The following SPCS2 variants were observed in gnomAD, a reference collection of about 807,000 sequenced individuals.
SPCS2 encodes the protein SPase 25 kDa subunit.
Under a neutral mutation model 22.3 loss-of-function variants are expected in SPCS2, and 3 were observed. The ratio of observed to expected loss-of-function variants is 0.13; its 90% CI spans 0.06 to 0.35. The LOEUF (loss-of-function observed/expected upper bound fraction) is 0.35. Ranked by LOEUF, SPCS2 falls within the 10% of genes least tolerant of loss-of-function variation. The pLI is 1.00. For missense variants in SPCS2, 169 were observed against 280.9 expected (o/e 0.60, Z 2.85); for synonymous variants, 67 against 97.2 (o/e 0.69, Z 1.83).
intron 1 of SPCS2, among the ~76,000 whole-genome samples, chr11:74,961,268 C>T (rs1948512841): frequency 6.6e-6 from 1 of 152,184 alleles, no homozygotes; most frequent in South Asian, 2.1e-4. Flanking sequence ...ACACTATTTA[C>T]TTCTCATACC....
At chr11:74,961,706 TTA>T (rs1409873299) in intron 1 of SPCS2, among the ~76,000 whole-genome samples, 1 of 151,950 alleles carries the variant, frequency 6.6e-6, no homozygotes, top group East Asian at 1.9e-4. Context: ...TTTTGTACTT[TTA>T]GTAGAGATGG....
At chr11:74,970,984 A>T (rs184691597) in intron 4 of SPCS2, among the ~76,000 whole-genome samples, 42 of 152,310 alleles carry the variant, frequency 2.8e-4, no homozygotes, top group East Asian at 3.9e-4. Flanking sequence ...TCACCTCAAA[A>T]AAAAAACCTC....
chr11:74,961,624 C>T (rs1645116376), intron 1 of SPCS2, among the ~76,000 whole-genome samples: 1 of 142,730 alleles, frequency 7.0e-6, no homozygotes, highest in Non-Finnish European at 1.6e-5. Context: ...TCACTGCAAC[C>T]TCTGCCTCCT....
Position 74,949,295 on chromosome 11 carries a change from G to T in SPCS2, c.10G>T (p.Ala4Ser). Reference sequence around the variant, plus strand: ...CGCAGAGGCGGACAAGATGGCGGCGGCAGCTGTACAGGGCGGGAGAAGCGG... The same window carrying T: ...CGCAGAGGCGGACAAGATGGCGGCGTCAGCTGTACAGGGCGGGAGAAGCGG... MAA[A>S]AVQGGRSGGS... is the part of the protein sequence containing the mutation. Residue 4 changes from alanine (A) to serine (S), a missense_variant, in exon 1 of 5, where the codon GCA becomes TCA. By Grantham distance (99) the Ala-to-Ser change is moderately conservative. This residue lies in a region of SPCS2 where 51 missense variants were observed against 37.8 expected (regional missense o/e 1.35). Transcript: ENST00000263672. The T allele has an allele frequency of 6.5e-7, 1 of 1,538,482 alleles. No homozygotes were observed. Among genetic ancestry groups the T allele is most frequent in the Non-Finnish European group, 8.8e-7 (1 of 1,142,112 alleles).
chr11:74,969,195 G>A (rs1565487418), intron 3 of SPCS2, among the ~76,000 whole-genome samples: 1 of 152,150 alleles, frequency 6.6e-6, no homozygotes, highest in African/African-American at 2.4e-5. Context: ...GTTGAACATG[G>A]TCAAGTCCAC....
intron 4 of SPCS2, among the ~76,000 whole-genome samples, chr11:74,971,761 C>T (rs538272231): frequency 3.0e-4 from 45 of 152,276 alleles, no homozygotes; most frequent in African/African-American, 9.9e-4. Context: ...TTTGTCACTC[C>T]CCAGCAAATT....
chr11:74,964,883 G>C (rs1278136571), intron 1 of SPCS2, 151 bp from the exon 2 acceptor site: 5 of 581,728 alleles, frequency 8.6e-6, no homozygotes, highest in Non-Finnish European at 1.5e-5. Context: ...AGTGTGCCCA[G>C]AATAGCCTGT....
chr11:74,949,299 C>G lies in SPCS2; in HGVS notation c.14C>G (p.Ala5Gly). The change falls in exon 1 of 5, where the codon GCT (alanine) becomes GGT (glycine). Residue 5 changes from alanine (A) to glycine (G), a missense_variant. Coordinates refer to ENST00000263672, the MANE Select transcript of SPCS2 (RefSeq NM_014752.3). MAAA[A>G]VQGGRSGGSG... ...GAGGCGGACAAGATGGCGGCGGCAG[C>G]TGTACAGGGCGGGAGAAGCGGTGGT... is the stretch of plus-strand genomic sequence containing the variant. 1 of 1,543,196 alleles carries G rather than the reference C, an allele frequency of 6.5e-7. No individual in the cohort carries two copies. The highest frequency in any genetic ancestry group is 8.7e-7 in the Non-Finnish European group (1 of 1,144,170).
At chr11:74,968,281 C>T (rs1032362320) in intron 3 of SPCS2, 3 of 151,864 alleles carry the variant, frequency 2.0e-5, no homozygotes, top group African/African-American at 4.8e-5. Context: ...TATGTGCTGC[C>T]GAAGCGAGCA....
intron 3 of SPCS2, among the ~76,000 whole-genome samples, chr11:74,967,617 C>T (rs564166257): frequency 4.6e-5 from 7 of 152,202 alleles, no homozygotes; most frequent in East Asian, 1.9e-4. Flanking sequence ...GGCATGGTGG[C>T]GCATGCCTGT....
intron 1 of SPCS2, among the ~76,000 whole-genome samples, chr11:74,962,696 C>T (rs1051832733): frequency 6.6e-6 from 1 of 152,208 alleles, no homozygotes; most frequent in African/African-American, 2.4e-5. Flanking sequence ...AACTCCCCTT[C>T]TTCCAGATGG....
chr11:74,960,502 C>CT (rs367939644), intron 1 of SPCS2, among the ~76,000 whole-genome samples: 59,319 of 143,838 alleles, frequency 0.41, 12,521 homozygotes, highest in Middle Eastern at 0.51. Context: ...AGATTAACAT[C>CT]TTTTTTTTTT....
rs1948291386 is a variant in SPCS2 at position 74,949,407 on chromosome 11, G to A, written c.114+8G>A. 1 of 1,550,276 alleles carries A rather than the reference G, an allele frequency of 6.5e-7. No individual in the cohort carries two copies. Among genetic ancestry groups the A allele is most frequent in the Non-Finnish European group, 8.7e-7 (1 of 1,146,046 alleles). ...AGCGGCTTGTTGGATAAGGTGAGGA[G>A]CCGGTTCTTGGGAACAGTTGAATCC... On this transcript the variant is annotated splice_region_variant and intron_variant, in intron 1 of 4. Transcript: ENST00000263672.
chr11:74,959,480 C>T (rs549543052), intron 1 of SPCS2, among the ~76,000 whole-genome samples: 8 of 152,168 alleles, frequency 5.3e-5, no homozygotes, highest in Non-Finnish European at 8.8e-5. Flanking sequence ...GCAGCCTATA[C>T]CTCCTGAGCT....
At chr11:74,959,965 A>G (rs1481208075) in intron 1 of SPCS2, among the ~76,000 whole-genome samples, 1 of 152,226 alleles carries the variant, frequency 6.6e-6, no homozygotes, top group Non-Finnish European at 1.5e-5. Context: ...ATGATTCTTC[A>G]TAATGTTCTA....
intron 1 of SPCS2, among the ~76,000 whole-genome samples, chr11:74,950,046 C>T (rs1948359754): frequency 6.6e-6 from 1 of 152,080 alleles, no homozygotes; most frequent in African/African-American, 2.4e-5. Context: ...CCTTTCCTCC[C>T]TCTGCTCATC....
intron 3 of SPCS2, among the ~76,000 whole-genome samples, chr11:74,966,881 A>G (rs1024633237): frequency 6.6e-6 from 1 of 151,570 alleles, no homozygotes; most frequent in African/African-American, 2.4e-5. Flanking sequence ...TCCCACCTCA[A>G]CCTCCTGAGT....
rs542506517 is a variant in SPCS2, at chr11:74,958,319, G to A, written c.115-6715G>A. Among the ~76,000 whole-genome samples the A allele has an allele frequency of 3.3e-5, 5 of 152,302 alleles. No individual in the cohort carries two copies. The South Asian group carries it at 6.2e-4, about 19-fold the overall frequency. ...TTAAGCTAGTAATTTTCTTTGCAGT[G>A]TATCTTGGCCATTTTTATAAAAAAT... On this transcript the variant is annotated intron_variant, in intron 1 of 4. Coordinates refer to ENST00000263672, the MANE Select transcript of SPCS2 (RefSeq NM_014752.3).
intron 1 of SPCS2, among the ~76,000 whole-genome samples, chr11:74,961,986 C>G (rs1948516917): frequency 6.6e-6 from 1 of 152,134 alleles, no homozygotes; most frequent in Non-Finnish European, 1.5e-5. Flanking sequence ...TAATTTAGCC[C>G]TAAAGAATTT....
Sources: allele counts gnomAD v4.1 joint callset (sites outside exome capture counted in the v4.1 genomes callset), GRCh38; gene constraint gnomAD v4.1.1; regional missense constraint gnomAD v4.1.1; transcripts MANE v1.5; gene names NCBI Gene and HGNC (gene_info 2026-07-23, HGNC 2026-07-21).